The following CEP128 variants were observed in gnomAD, a reference collection of about 807,000 sequenced individuals.
The protein encoded by CEP128 is centrosomal protein 128.
Under a neutral mutation model 156.7 loss-of-function variants are expected in CEP128, and 132 were observed. The ratio of observed to expected loss-of-function variants is 0.84; its 90% CI spans 0.73 to 0.97. The LOEUF is 0.97. Among genes scored for constraint, CEP128 ranks in the 50% least tolerant of loss-of-function variants. The pLI is 0.00. For missense variants in CEP128, 1,252 were observed against 1,281.9 expected (o/e 0.98, Z 0.36); for synonymous variants, 469 against 448.9 (o/e 1.04, Z -0.57).
chr14:80,907,644 C>T (rs368541906), intron 4 of CEP128, among the ~76,000 whole-genome samples: 13 of 128,228 alleles, frequency 1.0e-4, no homozygotes, highest in Non-Finnish European at 1.9e-4. Flanking sequence ...GGCGGCAGAG[C>T]GAGACTCTGT....
intron 13 of CEP128, among the ~76,000 whole-genome samples, chr14:80,823,484 A>G (rs575847667): frequency 6.6e-6 from 1 of 152,208 alleles, no homozygotes. Flanking sequence ...TTGGCAGTCC[A>G]CTGAAGAAGG....
intron 19 of CEP128, among the ~76,000 whole-genome samples, chr14:80,617,572 G>A (rs1203360244): frequency 6.6e-6 from 1 of 152,028 alleles, no homozygotes; most frequent in South Asian, 2.1e-4. Flanking sequence ...GGTGGGGGGT[G>A]GACTGGTAAT....
intron 13 of CEP128, among the ~76,000 whole-genome samples, chr14:80,799,587 G>A (rs573895073): frequency 1.8e-4 from 28 of 152,226 alleles, no homozygotes; most frequent in African/African-American, 4.1e-4. Context: ...GGAAGATATC[G>A]CTAAATTCTT....
intron 19 of CEP128, among the ~76,000 whole-genome samples, chr14:80,628,775 C>T (rs544572573): frequency 6.6e-6 from 1 of 152,246 alleles, no homozygotes; most frequent in South Asian, 2.1e-4. Flanking sequence ...TTCACCGGAG[C>T]TACTGATAAG....
At chr14:80,909,371 T>TCACACACACACACACACACACACA (rs36082524) in intron 4 of CEP128, among the ~76,000 whole-genome samples, 1 of 142,334 alleles carries the variant, frequency 7.0e-6, no homozygotes, top group African/African-American at 2.7e-5. Context: ...AAGTGAATTT[T>TCACACACACACACACACACACACA]CACACACACA....
chr14:80,929,295 T>C (rs1277200945), intron 2 of CEP128, among the ~76,000 whole-genome samples: 1 of 152,192 alleles, frequency 6.6e-6, no homozygotes, highest in Non-Finnish European at 1.5e-5. Context: ...ACAACCTCTA[T>C]GGAAAATAGT....
At chr14:80,904,481 A>ATATATTTTGAATATATATATT (rs1883768378) in intron 6 of CEP128, among the ~76,000 whole-genome samples, 1 of 152,160 alleles carries the variant, frequency 6.6e-6, no homozygotes, top group African/African-American at 2.4e-5. Context: ...TTTCAAAATA[A>ATATATTTTGAATATATATATT]CTGAGAGAAT....
At chr14:80,702,718 G>C (rs999627397) in intron 19 of CEP128, among the ~76,000 whole-genome samples, 5 of 152,270 alleles carry the variant, frequency 3.3e-5, no homozygotes, top group Admixed American at 1.3e-4. Context: ...TAGGCAATGT[G>C]ACTTTAAAGT....
chr14:80,539,793 A>C (rs1432013952), intron 21 of CEP128, among the ~76,000 whole-genome samples: 2 of 152,100 alleles, frequency 1.3e-5, no homozygotes, highest in African/African-American at 4.8e-5. Context: ...TTTCCTAGCA[A>C]GGAATATTAA....
chr14:80,781,713 C>A (rs1901130449), intron 15 of CEP128, among the ~76,000 whole-genome samples: 1 of 152,060 alleles, frequency 6.6e-6, no homozygotes, highest in Admixed American at 6.5e-5. Flanking sequence ...GGCTACATTG[C>A]AAGTTAGCAG....
At chr14:80,661,745 T>C (rs1365686112) in intron 19 of CEP128, among the ~76,000 whole-genome samples, 1 of 152,196 alleles carries the variant, frequency 6.6e-6, no homozygotes, top group Admixed American at 6.6e-5. Context: ...TATTAAGCAA[T>C]ATAAGTACTT....
chr14:80,567,427 C>T (rs932911948), intron 20 of CEP128, among the ~76,000 whole-genome samples: 6 of 151,988 alleles, frequency 3.9e-5, no homozygotes, highest in African/African-American at 9.7e-5. Context: ...GCAGCCTGAG[C>T]GGCAAGGTAG....
intron 9 of CEP128, among the ~76,000 whole-genome samples, chr14:80,857,916 T>C (rs536708138): frequency 1.2e-3 from 178 of 152,280 alleles, no homozygotes; most frequent in African/African-American, 4.1e-3. Flanking sequence ...CCAGGTTGTT[T>C]AAAATACAAT....
intron 21 of CEP128, among the ~76,000 whole-genome samples, chr14:80,548,477 C>T (rs1293232093): frequency 1.3e-5 from 2 of 152,044 alleles, no homozygotes; most frequent in Non-Finnish European, 2.9e-5. Context: ...AAGTTAGGAT[C>T]TTAAAAAGAT....
rs77154632 is a variant in CEP128 at position 80,830,943 on chromosome 14, C to T, written c.1209+200G>A. On this transcript the variant is annotated intron_variant, in intron 13 of 24. Transcript: ENST00000555265. ...AAAGGAAAATCATCCAGGTTCCTGG[C>T]TTTGGGGTCCTGAATGAAAGAGAAA... 2,807 of 501,098 alleles carry T rather than the reference C, an allele frequency of 5.6e-3. 10 individuals are homozygous for T. The highest frequency in any genetic ancestry group is 7.9e-3 in the Non-Finnish European group (2,241 of 285,382). 31.0% of individuals were successfully genotyped at this position (501,098 alleles called of 1,614,324 possible). A position where few individuals can be genotyped will look rare whatever the true frequency, so the allele number is the denominator to read the frequency against.
intron 14 of CEP128, among the ~76,000 whole-genome samples, chr14:80,483,094 A>G (rs973968791): frequency 1.3e-5 from 2 of 152,232 alleles, no homozygotes; most frequent in Non-Finnish European, 2.9e-5. Flanking sequence ...AAAGTCAACA[A>G]TCAGGGAACA....
At chr14:80,518,865 C>T (rs1888610639) in intron 23 of CEP128, among the ~76,000 whole-genome samples, 1 of 152,026 alleles carries the variant, frequency 6.6e-6, no homozygotes, top group Non-Finnish European at 1.5e-5. Flanking sequence ...TAAAAGACTA[C>T]CCTAAAATAA....
chr14:80,892,026 T>A (rs2139376900), intron 8 of CEP128, among the ~76,000 whole-genome samples: 1 of 151,060 alleles, frequency 6.6e-6, no homozygotes, highest in African/African-American at 2.4e-5. Flanking sequence ...ACATAATCCA[T>A]ATCAAAATCC....
At position 80,848,210 on chromosome 14, in the gene CEP128, CA is replaced by C. The variant is rs376679390; in HGVS notation, c.763-7443del. On this transcript the variant is annotated intron_variant, in intron 9 of 24. Coordinates refer to ENST00000555265, the MANE Select transcript of CEP128 (RefSeq NM_152446.5). ...GGGCTTTCTGAAGTAGAGTTCTGAACATGAGCGCACAAACCGTACAACTGTT... is the reference window on the plus strand; with the variant it reads ...GGGCTTTCTGAAGTAGAGTTCTGAACTGAGCGCACAAACCGTACAACTGTT... Among the ~76,000 whole-genome samples, 724 of 152,318 alleles carry C rather than the reference CA, an allele frequency of 4.8e-3. 1 individual carries two copies. The highest frequency in any genetic ancestry group is 0.01 in the Middle Eastern group (3 of 294).
Sources: allele counts gnomAD v4.1 joint callset (sites outside exome capture counted in the v4.1 genomes callset), GRCh38; gene constraint gnomAD v4.1.1; transcripts MANE v1.5; gene names NCBI Gene and HGNC (gene_info 2026-07-23, HGNC 2026-07-21).